PLCB1: variants seen among roughly 807,000 people sequenced by gnomAD.
PLCB1 encodes phospholipase C beta 1.
Under a neutral mutation model 161.8 loss-of-function variants are expected in PLCB1, and 46 were observed. That is an observed-to-expected ratio of 0.28 (90% CI 0.22 to 0.36). The LOEUF is 0.36. Ranked by LOEUF, PLCB1 falls within the 10% of genes least tolerant of loss-of-function variation. The pLI is 1.00. For missense variants in PLCB1, 1,016 were observed against 1,472.5 expected (o/e 0.69, Z 5.07); for synonymous variants, 517 against 503.7 (o/e 1.03, Z -0.35).
intron 11 of PLCB1, among the ~76,000 whole-genome samples, chr20:8,703,381 T>G (rs1164381747): frequency 6.6e-6 from 1 of 152,224 alleles, no homozygotes; most frequent in African/African-American, 2.4e-5. Flanking sequence ...GTGTGTTACA[T>G]AGGCATGGAC....
At chr20:8,872,855 C>T (rs1007699898) in intron 31 of PLCB1, among the ~76,000 whole-genome samples, 3 of 152,234 alleles carry the variant, frequency 2.0e-5, no homozygotes, top group East Asian at 1.9e-4. Flanking sequence ...CTCCAACACC[C>T]GGCATCCTGA....
chr20:8,565,217 C>T (rs6039195), intron 3 of PLCB1, among the ~76,000 whole-genome samples: 29,282 of 151,994 alleles, frequency 0.19, 3,225 homozygotes, highest in African/African-American at 0.28. Context: ...AGCCGTCATT[C>T]TCAGCAAACT....
intron 2 of PLCB1, among the ~76,000 whole-genome samples, chr20:8,353,566 T>C (rs1403520343): frequency 6.6e-6 from 1 of 152,100 alleles, no homozygotes; most frequent in Admixed American, 6.6e-5. Context: ...TGATAGTAGG[T>C]ACCTTTGACA....
At chr20:8,646,713 G>A (rs1239168353) in intron 5 of PLCB1, among the ~76,000 whole-genome samples, 1 of 152,060 alleles carries the variant, frequency 6.6e-6, no homozygotes, top group Non-Finnish European at 1.5e-5. Flanking sequence ...AAGAGAAGAA[G>A]GAAAATAAGG....
At chr20:8,799,278 G>C (rs1984175239) in intron 31 of PLCB1, among the ~76,000 whole-genome samples, 1 of 152,172 alleles carries the variant, frequency 6.6e-6, no homozygotes, top group South Asian at 2.1e-4. Context: ...CTACATGTTG[G>C]TGGGGTTCAG....
intron 3 of PLCB1, among the ~76,000 whole-genome samples, chr20:8,373,693 A>G (rs556670526): frequency 6.6e-6 from 1 of 152,306 alleles, no homozygotes; most frequent in East Asian, 1.9e-4. Flanking sequence ...TGTTGGTAGT[A>G]ACATTGTTGC....
At chr20:8,276,826 T>C (rs1982570228) in intron 2 of PLCB1, among the ~76,000 whole-genome samples, 1 of 151,890 alleles carries the variant, frequency 6.6e-6, no homozygotes, top group Admixed American at 6.6e-5. Flanking sequence ...AGCACAACCA[T>C]AGCCCCGCCA....
intron 2 of PLCB1, among the ~76,000 whole-genome samples, chr20:8,262,984 A>C (rs2743164): frequency 0.049 from 7,522 of 152,252 alleles, 611 homozygotes; most frequent in African/African-American, 0.17. Flanking sequence ...CCACCTCTAA[A>C]TATAATCACA....
Position 8,676,410 on chromosome 20 carries a change from AAAGAG to A in PLCB1, c.863-8517_863-8513del, listed in dbSNP as rs1388601510. Among the ~76,000 whole-genome samples the A allele has an allele frequency of 5.4e-3, 815 of 151,886 alleles. 6 individuals carry two copies. The highest frequency in any genetic ancestry group is 0.019 in the African/African-American group (780 of 41,376). On this transcript the variant is annotated intron_variant, in intron 9 of 31. Transcript: ENST00000338037. ...AAGAGAGACAAAGAAAGAAAGAAAG[AAAGAG>A]AAGAAAGAAAGAAAGAAAGAGAGAA... is the stretch of plus-strand genomic sequence containing the variant.
At chr20:8,134,618 T>C (rs369125246) in intron 1 of PLCB1, among the ~76,000 whole-genome samples, 34 of 152,232 alleles carry the variant, frequency 2.2e-4, no homozygotes, top group African/African-American at 8.2e-4. Context: ...GTGAAAAAAG[T>C]AGACAAAATC....
At position 8,423,585 on chromosome 20, in the gene PLCB1, G is replaced by A. The variant is rs375905376; in HGVS notation, c.246+52135G>A. 5.3e-5 allele frequency among the ~76,000 whole-genome samples: 8 copies of A among 152,206 alleles called. No homozygotes were observed. The South Asian group carries it at 6.2e-4, about 12-fold the overall frequency. On this transcript the variant is annotated intron_variant, in intron 3 of 31. Transcript: ENST00000338037. ...TATATCAATATTTTGAATAAAATTC[G>A]TATTTGTCCTCAGAGAGACAAAAAC...
At chr20:8,703,840 A>G (rs1462034453) in intron 11 of PLCB1, among the ~76,000 whole-genome samples, 2 of 152,052 alleles carry the variant, frequency 1.3e-5, no homozygotes, top group Non-Finnish European at 2.9e-5. Flanking sequence ...CCAGAGAAAC[A>G]CTCACATTTT....
intron 2 of PLCB1, among the ~76,000 whole-genome samples, chr20:8,202,966 C>T (rs1215977408): frequency 6.6e-6 from 1 of 152,016 alleles, no homozygotes; most frequent in Non-Finnish European, 1.5e-5. Flanking sequence ...CACTGAATCA[C>T]CAGGGTACTT....
At chr20:8,444,103 A>G (rs1369903731) in intron 3 of PLCB1, among the ~76,000 whole-genome samples, 1 of 151,880 alleles carries the variant, frequency 6.6e-6, no homozygotes, top group East Asian at 1.9e-4. Flanking sequence ...GGTTTGTTAC[A>G]TATGTATACA....
At chr20:8,399,111 A>T (rs1978431739) in intron 3 of PLCB1, among the ~76,000 whole-genome samples, 6 of 139,556 alleles carry the variant, frequency 4.3e-5, no homozygotes, top group African/African-American at 1.1e-4. Flanking sequence ...TGACTTCGTG[A>T]TTTTCCATTT....
chr20:8,870,489 G>A (rs774250968), intron 31 of PLCB1, among the ~76,000 whole-genome samples: 2 of 152,158 alleles, frequency 1.3e-5, no homozygotes, highest in Non-Finnish European at 2.9e-5. Context: ...CTCTGTGGCG[G>A]TTTCATGGAA....
intron 31 of PLCB1, among the ~76,000 whole-genome samples, chr20:8,812,041 A>G (rs532721926): frequency 3.7e-4 from 56 of 152,092 alleles, no homozygotes; most frequent in Admixed American, 7.8e-4. Context: ...CAGGGATTAC[A>G]AGAGAGGAAG....
chr20:8,815,148 C>T (rs111591075), intron 31 of PLCB1, among the ~76,000 whole-genome samples: 12 of 152,180 alleles, frequency 7.9e-5, no homozygotes, highest in African/African-American at 2.7e-4. Context: ...CTTCTTTTCT[C>T]TGGGTTCCTT....
intron 3 of PLCB1, among the ~76,000 whole-genome samples, chr20:8,396,785 TA>T (rs1390213928): frequency 1.3e-5 from 2 of 152,066 alleles, no homozygotes; most frequent in African/African-American, 4.8e-5. Context: ...CGTAACATAT[TA>T]AAGTTTTCTC....
Sources: gnomAD v4.1 joint callset for allele counts (sites outside exome capture counted in the v4.1 genomes callset) on GRCh38, gnomAD v4.1.1 for gene constraint, MANE v1.5 for transcripts, NCBI Gene and HGNC (gene_info 2026-07-23, HGNC 2026-07-21) for gene names.